Variants in PCDHA2 observed in about 807,000 individuals in gnomAD.
PCDHA2 encodes the protein protocadherin alpha-2.
Under a neutral mutation model 66.0 loss-of-function variants are expected in PCDHA2, and 58 were observed. The ratio of observed to expected loss-of-function variants is 0.88; its 90% CI spans 0.71 to 1.09. The LOEUF (loss-of-function observed/expected upper bound fraction) is 1.09. PCDHA2 is among the 50% of genes least tolerant of loss of function. PCDHA2 has a pLI of 0.00. For missense variants in PCDHA2, 1,267 were observed against 1,242.3 expected, an observed-to-expected ratio of 1.02 and a Z score of -0.30; for synonymous variants, 634 against 554.0, an observed-to-expected ratio of 1.14 and a Z score of -2.03.
chr5:140,900,252 AG>A (rs2067859572), intron 1 of PCDHA2, among the ~76,000 whole-genome samples: 1 of 152,096 alleles, frequency 6.6e-6, no homozygotes, highest in South Asian at 2.1e-4. Flanking sequence ...ATGGCTGAAT[AG>A]TACTCCATTG....
intron 1 of PCDHA2, among the ~76,000 whole-genome samples, chr5:140,906,524 G>A (rs1401305370): frequency 2.0e-5 from 3 of 152,156 alleles, no homozygotes; most frequent in Non-Finnish European, 2.9e-5. Context: ...AAATACTCAC[G>A]ACAATTAAAA....
intron 1 of PCDHA2, chr5:140,807,795 A>T: frequency 6.2e-7 from 1 of 1,614,158 alleles, no homozygotes; most frequent in Non-Finnish European, 8.5e-7. Flanking sequence ...TTAGACAGAG[A>T]AGAAGCTCCG....
chr5:140,795,464 TTC>T lies in PCDHA2; in HGVS notation c.505_506del (p.Ser169LeufsTer7), dbSNP rs1562153119. On this transcript the variant is annotated frameshift_variant, in exon 1 of 4. Coordinates refer to ENST00000526136, the MANE Select transcript of PCDHA2 (RefSeq NM_018905.3). LOFTEE classifies it high-confidence loss of function. ...GATGCAGATATAGGAGTAAATGCTC[TTC>T]TCTCCTACAAGCTCAGCTCCAGTGA... 6.2e-7 allele frequency: 1 copy of T among 1,614,174 alleles called. No individual in the cohort carries two copies. Among genetic ancestry groups the T allele is most frequent in the Non-Finnish European group, 8.5e-7 (1 of 1,180,024 alleles).
intron 1 of PCDHA2, chr5:140,875,168 G>A (rs1554167513): frequency 5.5e-6 from 2 of 364,784 alleles, no homozygotes; most frequent in African/African-American, 4.2e-5. Flanking sequence ...ACCCAAAGTC[G>A]AAACATTAGA....
chr5:141,006,275 G>A (rs782763386), intron 3 of PCDHA2, among the ~76,000 whole-genome samples: 1 of 151,772 alleles, frequency 6.6e-6, no homozygotes. Flanking sequence ...GCAGTGGCAC[G>A]ATCTCAGCTC....
At position 140,850,251 on chromosome 5, in the gene PCDHA2, G is replaced by T. The variant is rs1562466738; in HGVS notation, c.2388+52899G>T. 1.1e-5 allele frequency: 18 copies of T among 1,594,126 alleles called. 3 individuals are homozygous for T. The highest frequency in any genetic ancestry group is 1.4e-5 in the Non-Finnish European group (16 of 1,167,218). On this transcript the variant is annotated intron_variant, in intron 1 of 3. Coordinates refer to ENST00000526136, the MANE Select transcript of PCDHA2 (RefSeq NM_018905.3). ...GAGCGAGATGGTGCTGCGGTCGGTG[G>T]GCGCCGGCGTAGTGGTGGGGAAGGT...
At chr5:140,968,273 G>A in intron 1 of PCDHA2, 1 of 1,614,080 alleles carries the variant, frequency 6.2e-7, no homozygotes, top group African/African-American at 1.3e-5. Context: ...GGAGAATGCA[G>A]AGGTGACCTA....
At chr5:140,932,413 A>G (rs2088287956) in intron 1 of PCDHA2, among the ~76,000 whole-genome samples, 1 of 151,930 alleles carries the variant, frequency 6.6e-6, no homozygotes, top group Admixed American at 6.6e-5. Flanking sequence ...ATGTTATATT[A>G]GTGTATTGTT....
chr5:140,822,628 C>A (rs1170983907), intron 1 of PCDHA2: 4 of 1,610,966 alleles, frequency 2.5e-6, no homozygotes, highest in Non-Finnish European at 3.4e-6. Flanking sequence ...TAATCTTGTT[C>A]TTGACGATGT....
intron 1 of PCDHA2, among the ~76,000 whole-genome samples, chr5:140,917,533 T>C (rs1584058253): frequency 6.6e-6 from 1 of 152,346 alleles, no homozygotes; most frequent in East Asian, 1.9e-4. Context: ...GTTTGTATAG[T>C]TTTAGGTTTT....
intron 1 of PCDHA2, chr5:140,882,976 T>G: frequency 1.2e-6 from 2 of 1,614,220 alleles, no homozygotes; most frequent in Non-Finnish European, 1.7e-6. Flanking sequence ...TGGACGTGAA[T>G]GACAACGCCC....
At chr5:140,940,566 G>T (rs1226026261) in intron 1 of PCDHA2, among the ~76,000 whole-genome samples, 1 of 151,754 alleles carries the variant, frequency 6.6e-6, no homozygotes, top group African/African-American at 2.4e-5. Flanking sequence ...CTCCTACCTT[G>T]GCTCCCAAAG....
intron 1 of PCDHA2, among the ~76,000 whole-genome samples, chr5:140,891,208 C>T (rs2062983751): frequency 1.3e-5 from 2 of 152,002 alleles, no homozygotes; most frequent in African/African-American, 4.8e-5. Context: ...TTTTACCATG[C>T]TGTGTCTTTA....
At position 140,927,469 on chromosome 5, in the gene PCDHA2, C is replaced by G. The variant is rs17844359; in HGVS notation, c.2389-51480C>G. ...GTTGGTGTTGGAGAAAGCACTGGATCGCGAACAGCGCGCCACCCACCTGCT... is the reference window on the plus strand; with the variant it reads ...GTTGGTGTTGGAGAAAGCACTGGATGGCGAACAGCGCGCCACCCACCTGCT... On this transcript the variant is annotated intron_variant, in intron 1 of 3. Transcript: ENST00000526136. 39 of 1,613,964 alleles carry G rather than the reference C, an allele frequency of 2.4e-5. No individual in the cohort carries two copies. The highest frequency in any genetic ancestry group is 1.3e-4 in the South Asian group (12 of 91,094).
At chr5:140,867,109 A>G (rs2049756406) in intron 1 of PCDHA2, 3 of 152,146 alleles carry the variant, frequency 2.0e-5, no homozygotes, top group South Asian at 2.1e-4. Context: ...CTAAATTAAC[A>G]TATTGTTTTA....
intron 1 of PCDHA2, chr5:140,856,749 C>A (rs146132566): frequency 1.3e-6 from 2 of 1,595,860 alleles, no homozygotes; most frequent in East Asian, 2.2e-5. Context: ...GTGTTAGATG[C>A]CAATGATAAC....
At chr5:140,857,102 A>G in intron 1 of PCDHA2, 1 of 1,597,722 alleles carries the variant, frequency 6.3e-7, no homozygotes, top group Non-Finnish European at 8.6e-7. Context: ...GGTGATTGTC[A>G]CTTCTCTGTC....
At chr5:140,831,544 T>A (rs2150108470) in intron 1 of PCDHA2, among the ~76,000 whole-genome samples, 1 of 122,808 alleles carries the variant, frequency 8.1e-6, no homozygotes, top group Non-Finnish European at 1.7e-5. Flanking sequence ...TTTTTTTTTT[T>A]AAGAGATGGG....
intron 1 of PCDHA2, among the ~76,000 whole-genome samples, chr5:140,890,587 G>T (rs2062701287): frequency 6.6e-6 from 1 of 151,988 alleles, no homozygotes; most frequent in African/African-American, 2.4e-5. Flanking sequence ...TTATTTGGAA[G>T]CCCTTTTCCG....
Sources: allele counts gnomAD v4.1 joint callset (sites outside exome capture counted in the v4.1 genomes callset), GRCh38; gene constraint gnomAD v4.1.1; transcripts MANE v1.5; gene names NCBI Gene and HGNC (gene_info 2026-07-23, HGNC 2026-07-21).